Variants in UBE3B observed in about 807,000 individuals in gnomAD.
UBE3B encodes ubiquitin-protein ligase E3B.
Under a neutral mutation model 132.3 loss-of-function variants are expected in UBE3B, and 80 were observed. That is an observed-to-expected ratio of 0.60 (90% CI 0.50 to 0.73). The LOEUF (loss-of-function observed/expected upper bound fraction) is 0.73, where lower values mean the gene tolerates loss of function less well. Among genes scored for constraint, UBE3B ranks in the 30% least tolerant of loss-of-function variants. The pLI, the probability that UBE3B is intolerant of heterozygous loss-of-function variation, is 0.00. For synonymous variants in UBE3B, 487 were observed against 520.4 expected (o/e 0.94, Z 0.87); for missense variants, 1,196 against 1,362.5 (o/e 0.88, Z 1.92).
chr12:109,539,524 C>A (rs1281619348), downstream of UBE3B, among the ~76,000 whole-genome samples: 1 of 152,218 alleles, frequency 6.6e-6, no homozygotes, highest in Non-Finnish European at 1.5e-5. Context: ...GCCCCTCAGA[C>A]CTGCAGTTTC....
chr12:109,488,513 C>T, intron 6 of UBE3B, 59 bp from the exon 7 acceptor site: 2 of 1,489,998 alleles, frequency 1.3e-6, no homozygotes, highest in African/African-American at 1.4e-5. Flanking sequence ...AAAGTGAACA[C>T]TTCACTGTCT....
At chr12:109,486,426 G>C in intron 5 of UBE3B, 45 bp from the exon 6 acceptor site, 1 of 1,469,306 alleles carries the variant, frequency 6.8e-7, no homozygotes, top group Non-Finnish European at 9.4e-7. Context: ...CAAGTGATAT[G>C]ATCTCTATAA....
rs757534213 is a variant in UBE3B at position 109,534,674 on chromosome 12, C to T, written c.3099C>T (p.Ser1033=). Residue 1033 remains serine, a synonymous_variant, in exon 28 of 28, where the codon TCC becomes TCT. Transcript: ENST00000342494. This position sits in a 1 kb window ranked among gnomAD's most constrained non-coding sequence, Gnocchi z 5.2. ...KREPGGRLPT[S]STCFNLLKLP... is the part of the protein sequence containing the mutation. ...AGCCAGGCGGCCGCCTGCCCACCTC[C>T]TCCACCTGCTTCAACCTGCTCAAGC... 1 of 1,611,714 alleles carries T rather than the reference C, an allele frequency of 6.2e-7. No homozygotes were observed. Among genetic ancestry groups the T allele is most frequent in the Admixed American group, 1.7e-5 (1 of 59,546 alleles).
the UBE3B span, among the ~76,000 whole-genome samples, chr12:109,544,082 A>G: frequency 6.6e-6 from 1 of 152,132 alleles, no homozygotes; most frequent in African/African-American, 2.4e-5. Flanking sequence ...AGCTCTGGTC[A>G]TTAAAGAAGA....
rs1050146434 is a variant in UBE3B, at chr12:109,535,510, C to G, written c.*728C>G. ...CCGTCCTATGCATTCACATTGGCAT[C>G]CTGGTTTGGGGGAAGAAAAACAACG... is the stretch of plus-strand genomic sequence containing the variant. On this transcript the variant is annotated 3_prime_UTR_variant, in exon 28 of 28. Coordinates refer to ENST00000342494, the MANE Select transcript of UBE3B (RefSeq NM_130466.4). The G allele has an allele frequency of 2.0e-5, 3 of 152,312 alleles. No individual in the cohort carries two copies. The highest frequency in any genetic ancestry group is 4.4e-5 in the Non-Finnish European group (3 of 68,082). 9.4% of individuals were successfully genotyped at this position (152,312 alleles called of 1,614,324 possible).
intron 8 of UBE3B, chr12:109,490,481 TCTC>T: frequency 6.5e-7 from 1 of 1,535,644 alleles, no homozygotes; most frequent in Non-Finnish European, 8.7e-7. Flanking sequence ...TGCCCTTCCT[TCTC>T]CCTAGTGCTG....
chr12:109,483,754 CAATT>C, intron 3 of UBE3B, 42 bp downstream of exon 3: 1 of 1,574,004 alleles, frequency 6.4e-7, no homozygotes, highest in Non-Finnish European at 8.6e-7. Flanking sequence ...CTCTGGCTCC[CAATT>C]AATAGCAGAT....
chr12:109,510,273 A>G, intron 16 of UBE3B, 71 bp from the exon 17 acceptor site: 2 of 1,235,960 alleles, frequency 1.6e-6, no homozygotes. Flanking sequence ...ACTGCGGAAG[A>G]CAAGAGCTGT....
At chr12:109,491,760 G>A (rs1349628185) in intron 9 of UBE3B, 1 of 152,308 alleles carries the variant, frequency 6.6e-6, no homozygotes, top group Non-Finnish European at 1.5e-5. Context: ...GAGTGTCATG[G>A]TGGAACCAGC....
chr12:109,512,293 A>T (rs373366043), intron 18 of UBE3B, among the ~76,000 whole-genome samples: 155 of 152,268 alleles, frequency 1.0e-3, no homozygotes, highest in South Asian at 3.1e-3. Context: ...TGAGAAGTCC[A>T]GGGCACTGAG....
intron 9 of UBE3B, chr12:109,491,908 A>G (rs531812488): frequency 1.3e-5 from 2 of 152,390 alleles, no homozygotes; most frequent in Admixed American, 6.5e-5. Flanking sequence ...GTATCTGAGC[A>G]TGGAATACCC....
downstream of UBE3B, among the ~76,000 whole-genome samples, chr12:109,541,657 G>A (rs75845591): frequency 0.011 from 1,719 of 152,280 alleles, 26 homozygotes; most frequent in African/African-American, 0.035. Context: ...ACAACAAGCC[G>A]GGTGGCTTAA....
chr12:109,524,360 C>A, intron 22 of UBE3B, 78 bp from the exon 23 acceptor site: 1 of 1,544,388 alleles, frequency 6.5e-7, no homozygotes, highest in Non-Finnish European at 8.9e-7. Context: ...ACCAAAGCAG[C>A]GCCTCAAGGG....
chr12:109,516,704 G>A (rs923054949), intron 18 of UBE3B, 61 bp from the exon 19 acceptor site: 12 of 1,589,940 alleles, frequency 7.5e-6, no homozygotes, highest in Admixed American at 1.7e-5. Context: ...TTTGCAGAGT[G>A]TTTTTATGGA....
At chr12:109,540,496 C>G (rs1486754081), downstream of UBE3B, among the ~76,000 whole-genome samples, 2 of 152,188 alleles carry the variant, frequency 1.3e-5, no homozygotes, top group Admixed American at 1.3e-4. Context: ...CAGGCATGAG[C>G]CATTCACTGC....
At chr12:109,544,356 G>A in the UBE3B span, among the ~76,000 whole-genome samples, 3 of 135,672 alleles carry the variant, frequency 2.2e-5, no homozygotes, top group African/African-American at 2.7e-5. Context: ...AGGTATGGGG[G>A]GCCTGAGACA....
chr12:109,499,233 C>T (rs1592912270), intron 11 of UBE3B, among the ~76,000 whole-genome samples: 1 of 152,206 alleles, frequency 6.6e-6, no homozygotes, highest in Non-Finnish European at 1.5e-5. Flanking sequence ...AAGACCATTT[C>T]TTATGTTAAC....
At position 109,533,533 on chromosome 12, in the gene UBE3B, G is replaced by A. The variant is rs539407162; in HGVS notation, c.2990G>A (p.Arg997His). 3 of 1,613,674 alleles carry A rather than the reference G, an allele frequency of 1.9e-6. No individual in the cohort carries two copies. Among genetic ancestry groups the A allele is most frequent in the Non-Finnish European group, 1.7e-6 (2 of 1,179,994 alleles). ...TACCTCAAGCCTCCATTCTCCATCC[G>A]CTGCGTGGAGGTGTCGGACGATCAG... is the stretch of plus-strand genomic sequence containing the variant. ...FAYLKPPFSI[R>H]CVEVSDDQDT... is the part of the protein sequence containing the mutation. Residue 997 changes from arginine to histidine, a missense_variant, in exon 27 of 28, where the codon CGC becomes CAC. By Grantham distance (29) the Arg-to-His change is conservative. Transcript: ENST00000342494.
At chr12:109,542,072 C>G in the UBE3B span, among the ~76,000 whole-genome samples, 6 of 152,324 alleles carry the variant, frequency 3.9e-5, 1 homozygote, top group Admixed American at 3.9e-4. Flanking sequence ...TCTTCCAGAG[C>G]AAGTGTGGCA....
Sources: gnomAD v4.1 joint callset for allele counts (sites outside exome capture counted in the v4.1 genomes callset) on GRCh38, gnomAD v4.1.1 for gene constraint, Gnocchi (gnomAD v3.1) non-coding constraint, MANE v1.5 for transcripts, NCBI Gene and HGNC (gene_info 2026-07-23, HGNC 2026-07-21) for gene names.